RAB7A: variants seen among roughly 807,000 people sequenced by gnomAD.
RAB7A encodes the protein RAB7A, member RAS oncogene family.
In RAB7A, 2 loss-of-function variants were observed where a neutral mutation model predicts 24.5. That is an observed-to-expected ratio of 0.08 (90% CI 0.03 to 0.26). The LOEUF is 0.26. RAB7A is among the 10% of genes least tolerant of loss of function. The pLI is 1.00. For missense variants in RAB7A, 118 were observed against 255.7 expected, an observed-to-expected ratio of 0.46 and a Z score of 3.67; for synonymous variants, 100 against 95.9, an observed-to-expected ratio of 1.04 and a Z score of -0.25.
At chr3:128,742,726 T>C (rs1424314174) in intron 1 of RAB7A, among the ~76,000 whole-genome samples, 3 of 152,114 alleles carry the variant, frequency 2.0e-5, no homozygotes, top group Admixed American at 2.0e-4. Flanking sequence ...TTTACAATCC[T>C]TTAGCTAGAC....
At chr3:128,737,382 C>CCAGGCTGGA (rs1335954638) in intron 1 of RAB7A, among the ~76,000 whole-genome samples, 1 of 147,092 alleles carries the variant, frequency 6.8e-6, no homozygotes, top group Non-Finnish European at 1.5e-5. Context: ...GCTCTGTCAC[C>CCAGGCTGGA]CAGGCTGGAG....
rs869119619 is a variant in RAB7A at position 128,809,936 on chromosome 3, C to CTTTTTTTTTTTTTTTTTTTTTTTTTTTTT, written c.528+2267_528+2295dup. 1.2e-3 allele frequency among the ~76,000 whole-genome samples: 62 copies of CTTTTTTTTTTTTTTTTTTTTTTTTTTTTT among 52,258 alleles called. 20 individuals are homozygous for CTTTTTTTTTTTTTTTTTTTTTTTTTTTTT. Among genetic ancestry groups the CTTTTTTTTTTTTTTTTTTTTTTTTTTTTT allele is most frequent in the Non-Finnish European group, 1.3e-3 (39 of 29,582 alleles). The allele number at this position is 52,258 out of a possible 152,430, so 34.3% of individuals were successfully genotyped here. The stretch of plus-strand genomic sequence containing the variant: ...GAGGCAAGTTTCCTCTTGCCACAGT[C>CTTTTTTTTTTTTTTTTTTTTTTTTTTTTT]TTTTTTTTTTTTTTTTTTTTTTTTT... On this transcript the variant is annotated intron_variant, in intron 5 of 5. Transcript: ENST00000265062.
intron 1 of RAB7A, among the ~76,000 whole-genome samples, chr3:128,790,707 TTGATC>T (rs1156443007): frequency 6.6e-6 from 1 of 152,232 alleles, no homozygotes; most frequent in African/African-American, 2.4e-5. Flanking sequence ...GTCTGTTTCA[TTGATC>T]GGTTTAGTCC....
chr3:128,765,022 G>A (rs1245495521), intron 1 of RAB7A: 45 of 1,520,558 alleles, frequency 3.0e-5, no homozygotes, highest in Non-Finnish European at 4.0e-5. Flanking sequence ...TGTCATGGCA[G>A]CAACTAAGGA....
intron 2 of RAB7A, among the ~76,000 whole-genome samples, chr3:128,797,600 A>G (rs989452643): frequency 5.3e-5 from 8 of 152,230 alleles, no homozygotes; most frequent in African/African-American, 1.7e-4. Flanking sequence ...GAATAGCAGA[A>G]CAGTCTTAAT....
intron 1 of RAB7A, among the ~76,000 whole-genome samples, chr3:128,762,293 GA>G (rs1271209572): frequency 6.6e-6 from 1 of 152,176 alleles, no homozygotes; most frequent in African/African-American, 2.4e-5. Flanking sequence ...CAAGGGAAAA[GA>G]AAAGTGGAAA....
Position 128,806,444 on chromosome 3 carries a change from G to A in RAB7A, c.253G>A (p.Val85Ile), listed in dbSNP as rs747215257. 12 of 1,613,800 alleles carry A rather than the reference G, an allele frequency of 7.4e-6. No homozygotes were observed. The highest frequency in any genetic ancestry group is 5.3e-5 in the African/African-American group (4 of 74,818). The change falls in exon 4 of 6, where the codon GTT becomes ATT. Residue 85 changes from valine (V) to isoleucine (I), a missense_variant. This residue lies in a region of RAB7A where 52 missense variants were observed against 173.5 expected (regional missense o/e 0.30). Coordinates refer to ENST00000265062, the MANE Select transcript of RAB7A (RefSeq NM_004637.6). ...CTTCTACAGAGGTGCAGACTGCTGCGTTCTGGTATTTGATGTGACTGCCCC... is the reference window on the plus strand; with the variant it reads ...CTTCTACAGAGGTGCAGACTGCTGCATTCTGGTATTTGATGTGACTGCCCC... The part of the protein sequence containing the change: ...VAFYRGADCC[V>I]LVFDVTAPNT...
intron 3 of RAB7A, chr3:128,798,806 C>A (rs961402218): frequency 2.3e-5 from 5 of 220,858 alleles, no homozygotes; most frequent in South Asian, 5.1e-5. Context: ...TGGAGTGAGA[C>A]CCTGTCTCTA....
chr3:128,749,743 G>A (rs2070657688), intron 1 of RAB7A, among the ~76,000 whole-genome samples: 1 of 152,198 alleles, frequency 6.6e-6, no homozygotes, highest in Non-Finnish European at 1.5e-5. Context: ...CCATCCATGT[G>A]AGATGTGACT....
At chr3:128,779,381 C>T (rs1434848385) in intron 1 of RAB7A, among the ~76,000 whole-genome samples, 1 of 151,178 alleles carries the variant, frequency 6.6e-6, no homozygotes, top group Non-Finnish European at 1.5e-5. Context: ...GCACTCCAGC[C>T]TGGGTAGCAG....
chr3:128,766,220 C>CA (rs2070830270), intron 1 of RAB7A, among the ~76,000 whole-genome samples: 1 of 152,192 alleles, frequency 6.6e-6, no homozygotes, highest in African/African-American at 2.4e-5. Context: ...TACAGAGACT[C>CA]AAACATGGCA....
At chr3:128,785,631 A>G (rs2107606853) in intron 1 of RAB7A, among the ~76,000 whole-genome samples, 1 of 151,776 alleles carries the variant, frequency 6.6e-6, no homozygotes, top group South Asian at 2.1e-4. Context: ...TCGCACCTGC[A>G]GTCCTAGCTA....
chr3:128,794,212 T>A (rs991469696), intron 1 of RAB7A, among the ~76,000 whole-genome samples: 5 of 152,226 alleles, frequency 3.3e-5, no homozygotes, highest in African/African-American at 1.2e-4. Context: ...CTGTGTTCTG[T>A]TACTCATCTC....
At chr3:128,732,457 G>A (rs1468762433) in intron 1 of RAB7A, among the ~76,000 whole-genome samples, 1 of 151,318 alleles carries the variant, frequency 6.6e-6, no homozygotes, top group Non-Finnish European at 1.5e-5. Flanking sequence ...TCACTACCCC[G>A]AGGAAGACCA....
At chr3:128,795,515 C>A in intron 2 of RAB7A, 95 bp downstream of exon 2, 1 of 1,157,738 alleles carries the variant, frequency 8.6e-7, no homozygotes, top group Non-Finnish European at 1.3e-6. Context: ...TTCTTGCTTT[C>A]ATAGTGAGGC....
At chr3:128,778,266 A>G (rs1296463447) in intron 1 of RAB7A, among the ~76,000 whole-genome samples, 1 of 152,178 alleles carries the variant, frequency 6.6e-6, no homozygotes. Flanking sequence ...AGTAACTGTT[A>G]CATTGGACAG....
At chr3:128,748,344 C>T (rs559199843) in intron 1 of RAB7A, among the ~76,000 whole-genome samples, 1 of 152,170 alleles carries the variant, frequency 6.6e-6, no homozygotes, top group Admixed American at 6.5e-5. Context: ...GTCTTCTGCC[C>T]TAACACTTGT....
chr3:128,789,976 T>C lies in RAB7A; in HGVS notation c.-8-5384T>C, dbSNP rs1013620024. Among the ~76,000 whole-genome samples, 8 of 151,916 alleles carry C rather than the reference T, an allele frequency of 5.3e-5. No homozygotes were observed. The South Asian group carries it at 8.3e-4, about 16-fold the overall frequency. On this transcript the variant is annotated intron_variant, in intron 1 of 5. Coordinates refer to ENST00000265062, the MANE Select transcript of RAB7A (RefSeq NM_004637.6). ...CAGCTTAATTTTTGTATTTTTAGTATAGCTGGTGTTTCACCATGTTGGCCA... is the reference window on the plus strand; with the variant it reads ...CAGCTTAATTTTTGTATTTTTAGTACAGCTGGTGTTTCACCATGTTGGCCA...
chr3:128,783,799 T>C (rs1933272856), intron 1 of RAB7A, among the ~76,000 whole-genome samples: 1 of 152,234 alleles, frequency 6.6e-6, no homozygotes, highest in African/African-American at 2.4e-5. Flanking sequence ...CTGAAGCTTG[T>C]TAAGGGATTG....
Sources: gnomAD v4.1 joint callset for allele counts (sites outside exome capture counted in the v4.1 genomes callset) on GRCh38, gnomAD v4.1.1 for gene constraint, gnomAD v4.1.1 regional missense constraint, MANE v1.5 for transcripts, NCBI Gene and HGNC (gene_info 2026-07-23, HGNC 2026-07-21) for gene names.